POLR3B: variants seen among roughly 807,000 people sequenced by gnomAD.
The protein encoded by POLR3B is RNA polymerase III subunit B, also known as DNA-directed RNA polymerase III subunit RPC2.
In POLR3B, 96 loss-of-function variants were observed where a neutral mutation model predicts 147.4. The observed-to-expected ratio is 0.65, with a 90% CI of 0.55 to 0.77. The LOEUF (loss-of-function observed/expected upper bound fraction) is 0.77. POLR3B is among the 30% of genes least tolerant of loss of function. The pLI is 0.00. For missense variants in POLR3B, 1,036 were observed against 1,413.5 expected, an observed-to-expected ratio of 0.73 and a Z score of 4.28; for synonymous variants, 461 against 485.9, an observed-to-expected ratio of 0.95 and a Z score of 0.67.
chr12:106,442,068 G>C (rs1394035875), intron 18 of POLR3B, among the ~76,000 whole-genome samples: 2 of 138,906 alleles, frequency 1.4e-5, no homozygotes, highest in Non-Finnish European at 3.0e-5. Context: ...CAGCAAGAGC[G>C]AAAATCCGCC....
intron 25 of POLR3B, among the ~76,000 whole-genome samples, chr12:106,500,404 G>T (rs1489155716): frequency 6.6e-6 from 1 of 152,152 alleles, no homozygotes; most frequent in Non-Finnish European, 1.5e-5. Context: ...AGGGTCACAG[G>T]TGCTGGAGCC....
At chr12:106,469,405 T>C (rs1238368932) in intron 23 of POLR3B, among the ~76,000 whole-genome samples, 1 of 152,018 alleles carries the variant, frequency 6.6e-6, no homozygotes, top group Admixed American at 6.6e-5. Flanking sequence ...CTTTATCCAA[T>C]TTGCCAGTCT....
intron 26 of POLR3B, among the ~76,000 whole-genome samples, chr12:106,503,028 T>C (rs2038626538): frequency 6.6e-6 from 1 of 152,238 alleles, no homozygotes. Context: ...TATTGGATTC[T>C]GTCCACATGT....
At chr12:106,460,040 A>C (rs990452027) in intron 22 of POLR3B, among the ~76,000 whole-genome samples, 1 of 152,162 alleles carries the variant, frequency 6.6e-6, no homozygotes, top group African/African-American at 2.4e-5. Flanking sequence ...TGAGTTTAGG[A>C]GGTGGCAGTG....
At chr12:106,371,266 A>C (rs1290799714) in intron 6 of POLR3B, among the ~76,000 whole-genome samples, 3 of 152,206 alleles carry the variant, frequency 2.0e-5, no homozygotes, top group Non-Finnish European at 2.9e-5. Flanking sequence ...TTAGAATGGC[A>C]ATCATTAAAA....
In POLR3B at chr12:106,457,191, A is replaced by G; in HGVS notation, c.2347A>G (p.Thr783Ala). ...KNAKCTLKRYTNQTFDKVMGP... is the reference protein window; with the variant it reads ...KNAKCTLKRYANQTFDKVMGP... ...TGCTAAATGTACGTTGAAACGATAC[A>G]CCAATCAGACTTTTGATAAAGTGAT... is the stretch of plus-strand genomic sequence containing the variant. Residue 783 changes from threonine to alanine, a missense_variant, in exon 21 of 28, where the codon ACC becomes GCC. Around this residue, in one of 12 missense-constraint regions of POLR3B, gnomAD observed 202 missense variants for 272.8 expected, o/e 0.74. Coordinates refer to ENST00000228347, the MANE Select transcript of POLR3B (RefSeq NM_018082.6). 6.2e-7 allele frequency: 1 copy of G among 1,612,912 alleles called. No homozygotes were observed. The highest frequency in any genetic ancestry group is 1.1e-5 in the South Asian group (1 of 91,058).
intron 12 of POLR3B, among the ~76,000 whole-genome samples, chr12:106,414,544 A>G (rs556209550): frequency 1.3e-5 from 2 of 152,276 alleles, no homozygotes; most frequent in Admixed American, 6.5e-5. Flanking sequence ...ACTCTGATTT[A>G]GTCTCCAGGT....
chr12:106,400,680 A>G (rs1011437994), intron 10 of POLR3B, among the ~76,000 whole-genome samples: 1 of 152,172 alleles, frequency 6.6e-6, no homozygotes, highest in African/African-American at 2.4e-5. Flanking sequence ...CTCACTCAAA[A>G]CCGCTCAACT....
intron 19 of POLR3B, among the ~76,000 whole-genome samples, chr12:106,447,188 A>T (rs1349467828): frequency 2.0e-5 from 3 of 152,214 alleles, no homozygotes; most frequent in Non-Finnish European, 4.4e-5. Context: ...GTAGCTCAGA[A>T]TTAATTCACT....
At chr12:106,481,684 C>T (rs1218079924) in intron 23 of POLR3B, among the ~76,000 whole-genome samples, 1 of 152,200 alleles carries the variant, frequency 6.6e-6, no homozygotes, top group African/African-American at 2.4e-5. Context: ...CGTAGGTTTA[C>T]ACCTTAATTT....
At chr12:106,487,311 C>T (rs2038353702) in intron 23 of POLR3B, among the ~76,000 whole-genome samples, 1 of 152,166 alleles carries the variant, frequency 6.6e-6, no homozygotes, top group South Asian at 2.1e-4. Context: ...AGAATAAGAG[C>T]AGTGGTTAGT....
At chr12:106,471,998 G>T (rs1592760761) in intron 23 of POLR3B, among the ~76,000 whole-genome samples, 1 of 142,562 alleles carries the variant, frequency 7.0e-6, no homozygotes, top group Non-Finnish European at 1.5e-5. Context: ...ATCTCCCAAT[G>T]CTATCCCTCC....
intron 23 of POLR3B, among the ~76,000 whole-genome samples, chr12:106,483,550 A>G (rs1208555595): frequency 6.6e-6 from 1 of 152,264 alleles, no homozygotes; most frequent in Non-Finnish European, 1.5e-5. Context: ...AGAGTTTACC[A>G]TAGATAGGAA....
chr12:106,451,116 C>T (rs1220513464), intron 19 of POLR3B, among the ~76,000 whole-genome samples: 1 of 152,062 alleles, frequency 6.6e-6, no homozygotes, highest in Non-Finnish European at 1.5e-5. Context: ...GCAAACTAAT[C>T]TGTAACAATA....
At chr12:106,444,333 T>C in intron 18 of POLR3B, 130 bp from the exon 19 acceptor site, 1 of 832,216 alleles carries the variant, frequency 1.2e-6, no homozygotes, top group East Asian at 2.5e-5. Flanking sequence ...TTTACCAGTT[T>C]TACTAGCATC....
In POLR3B at chr12:106,498,675, G is replaced by A. The variant is rs182631761; in HGVS notation, c.2984+1757G>A. On this transcript the variant is annotated intron_variant, in intron 25 of 27. Coordinates refer to ENST00000228347, the MANE Select transcript of POLR3B (RefSeq NM_018082.6). ...CAGCTCACTGCAACCTCTGCTTCCC[G>A]GGGGGGTTCAAGCAATTCTCCTGCC... 3.2e-3 allele frequency among the ~76,000 whole-genome samples: 486 copies of A among 150,676 alleles called. 2 individuals carry two copies. The highest frequency in any genetic ancestry group is 0.011 in the African/African-American group (459 of 40,942).
At chr12:106,376,243 C>G (rs1006262753) in intron 6 of POLR3B, 116 bp from the exon 7 acceptor site, 2 of 734,692 alleles carry the variant, frequency 2.7e-6, no homozygotes, top group Admixed American at 2.1e-5. Context: ...CCTTTTCTAA[C>G]ATGGTGCATA....
intron 19 of POLR3B, among the ~76,000 whole-genome samples, chr12:106,445,905 T>A (rs2037717072): frequency 2.0e-5 from 3 of 152,224 alleles, no homozygotes; most frequent in Admixed American, 2.0e-4. Context: ...AGTAGATATA[T>A]TTCTTTTCAA....
chr12:106,489,678 A>G (rs1421139819), intron 23 of POLR3B, among the ~76,000 whole-genome samples: 1 of 152,238 alleles, frequency 6.6e-6, no homozygotes, highest in Non-Finnish European at 1.5e-5. Flanking sequence ...TGGTTTTGCT[A>G]GACCTTCATT....
Sources: gnomAD v4.1 joint callset for allele counts (sites outside exome capture counted in the v4.1 genomes callset) on GRCh38, gnomAD v4.1.1 for gene constraint, gnomAD v4.1.1 regional missense constraint, MANE v1.5 for transcripts, NCBI Gene and HGNC (gene_info 2026-07-23, HGNC 2026-07-21) for gene names.